The following COL5A2 variants were observed in gnomAD, a reference collection of about 807,000 sequenced individuals.
The protein encoded by COL5A2 is collagen type V alpha 2 chain.
COL5A2 carries 23 observed loss-of-function variants against 208.2 expected under a neutral mutation model. That is an observed-to-expected ratio of 0.11 (90% confidence interval 0.08 to 0.16). The LOEUF (loss-of-function observed/expected upper bound fraction) is 0.16. COL5A2 is among the 10% of genes least tolerant of loss of function. COL5A2 has a pLI of 1.00. For synonymous variants in COL5A2, 625 were observed against 628.5 expected (o/e 0.99, Z 0.08); for missense variants, 1,590 against 1,956.4 (o/e 0.81, Z 3.53).
the COL5A2 span, among the ~76,000 whole-genome samples, chr2:189,239,670 A>C: frequency 2.7e-5 from 4 of 150,936 alleles, no homozygotes; most frequent in Non-Finnish European, 4.4e-5. Context: ...CCTAATGCTA[A>C]ATGACGAGTT....
chr2:189,358,885 G>A, the COL5A2 span, among the ~76,000 whole-genome samples: 1 of 151,278 alleles, frequency 6.6e-6, no homozygotes, highest in Non-Finnish European at 1.5e-5. Context: ...TGCTATTGAT[G>A]TGTAGAAGCA....
At chr2:189,067,982 C>G in intron 21 of COL5A2, 33 bp downstream of exon 21, 1 of 1,546,274 alleles carries the variant, frequency 6.5e-7, no homozygotes, top group Non-Finnish European at 8.9e-7. Context: ...TTAGATTACA[C>G]TAAAGGATGA....
the COL5A2 span, among the ~76,000 whole-genome samples, chr2:189,418,320 G>C: frequency 6.6e-6 from 1 of 152,138 alleles, no homozygotes; most frequent in Admixed American, 6.5e-5. Context: ...ATCTTGAATG[G>C]TGGCACCAGT....
chr2:189,394,724 T>C, the COL5A2 span, among the ~76,000 whole-genome samples: 1 of 152,172 alleles, frequency 6.6e-6, no homozygotes, highest in South Asian at 2.1e-4. Context: ...TCTGTCTCCA[T>C]GACAGGCTCA....
chr2:189,136,377 A>T (rs1018165520), intron 1 of COL5A2, among the ~76,000 whole-genome samples: 5 of 150,316 alleles, frequency 3.3e-5, no homozygotes, highest in Non-Finnish European at 7.4e-5. Context: ...GTATATACTT[A>T]TATATATGTA....
Position 189,061,488 on chromosome 2 carries a change from C to T in COL5A2, c.2031+74G>A, listed in dbSNP as rs150566265. 4.2e-4 allele frequency: 459 copies of T among 1,090,868 alleles called. 3 individuals carry two copies. The African/African-American group carries it at 6.8e-3, about 16-fold the overall frequency. The allele number at this position is 1,090,868 out of a possible 1,614,324, so 67.6% of individuals were successfully genotyped here. ...ATTGTAGAATTTCAAATCTTCTGACCATATCTTTTTTTTTAAAAAAAAAAA... is the reference window on the plus strand; with the variant it reads ...ATTGTAGAATTTCAAATCTTCTGACTATATCTTTTTTTTTAAAAAAAAAAA... On this transcript the variant is annotated intron_variant, in intron 30 of 53. Coordinates refer to ENST00000374866, the MANE Select transcript of COL5A2 (RefSeq NM_000393.5).
At chr2:189,153,604 A>T (rs2105790695) in intron 1 of COL5A2, among the ~76,000 whole-genome samples, 1 of 152,182 alleles carries the variant, frequency 6.6e-6, no homozygotes, top group Admixed American at 6.5e-5. Flanking sequence ...CACAGGGGTG[A>T]TAAGCTTGGG....
At chr2:189,138,858 A>G (rs1687876498) in intron 1 of COL5A2, among the ~76,000 whole-genome samples, 1 of 152,228 alleles carries the variant, frequency 6.6e-6, no homozygotes, top group African/African-American at 2.4e-5. Context: ...CAAAAATGTA[A>G]AATAAATATC....
chr2:189,156,686 T>C (rs930558405), intron 1 of COL5A2, among the ~76,000 whole-genome samples: 3 of 152,144 alleles, frequency 2.0e-5, no homozygotes, highest in Non-Finnish European at 2.9e-5. Flanking sequence ...GCCAAAAATA[T>C]GTATTGACAT....
intron 2 of COL5A2, among the ~76,000 whole-genome samples, chr2:189,104,628 C>A (rs1481812804): frequency 6.6e-6 from 1 of 151,748 alleles, no homozygotes; most frequent in Non-Finnish European, 1.5e-5. Flanking sequence ...GCTGTTTATT[C>A]ATATGGTTCA....
chr2:189,320,794 C>T, the COL5A2 span, among the ~76,000 whole-genome samples: 1 of 152,142 alleles, frequency 6.6e-6, no homozygotes, highest in Non-Finnish European at 1.5e-5. Context: ...GGCCAACATT[C>T]AAATTCAAGA....
intron 24 of COL5A2, 98 bp from the exon 25 acceptor site, chr2:189,064,753 TAACATACA>T (rs1184699887): frequency 7.4e-6 from 7 of 947,734 alleles, no homozygotes; most frequent in Non-Finnish European, 1.0e-5. Flanking sequence ...GGCACTAATA[TAACATACA>T]AATCAAGGCA....
chr2:189,264,239 T>C, the COL5A2 span, among the ~76,000 whole-genome samples: 5 of 152,172 alleles, frequency 3.3e-5, no homozygotes, highest in Admixed American at 6.5e-5. Context: ...TAAAATTTTA[T>C]TGAAATTCAT....
chr2:189,165,610 A>T (rs1021734069), intron 1 of COL5A2, among the ~76,000 whole-genome samples: 14 of 152,340 alleles, frequency 9.2e-5, no homozygotes, highest in African/African-American at 3.1e-4. Context: ...TAACTCCTCA[A>T]TATGCAGACG....
At chr2:189,320,154 A>C in the COL5A2 span, among the ~76,000 whole-genome samples, 1 of 152,156 alleles carries the variant, frequency 6.6e-6, no homozygotes, top group African/African-American at 2.4e-5. Flanking sequence ...CCACACCAAA[A>C]ACCCATCTGT....
rs1014344979 is a variant in COL5A2, at chr2:189,092,161, G to A, written c.567+149C>T. On this transcript the variant is annotated intron_variant, in intron 7 of 53. Transcript: ENST00000374866. ...CCAACAATTCCCTGTGGGTTTATTA[G>A]TTCTACTGTCCATAGCAGTGTTGAC... is the stretch of plus-strand genomic sequence containing the variant. 9 of 674,274 alleles carry A rather than the reference G, an allele frequency of 1.3e-5. No homozygotes were observed. The African/African-American group carries it at 1.6e-4, about 12-fold the overall frequency. The allele number at this position is 674,274 out of a possible 1,614,324, so 41.8% of individuals were successfully genotyped here. A position where few individuals can be genotyped will look rare whatever the true frequency, so the allele number is the denominator to read the frequency against.
the COL5A2 span, among the ~76,000 whole-genome samples, chr2:189,352,712 A>G: frequency 6.6e-6 from 1 of 152,080 alleles, no homozygotes; most frequent in Admixed American, 6.6e-5. Context: ...GGATAGATTG[A>G]GAAAATTTTC....
At chr2:189,188,711 T>A (rs532762365) in intron 1 of COL5A2, among the ~76,000 whole-genome samples, 1 of 152,306 alleles carries the variant, frequency 6.6e-6, no homozygotes, top group Admixed American at 6.5e-5. Context: ...GTCCTGCTTT[T>A]AAAAAGTTAA....
intron 1 of COL5A2, among the ~76,000 whole-genome samples, chr2:189,219,893 A>G (rs1689326172): frequency 1.3e-5 from 2 of 151,778 alleles, no homozygotes; most frequent in South Asian, 2.1e-4. Context: ...CACTCTTAGA[A>G]GTGTTCTTCG....
Sources: allele counts gnomAD v4.1 joint callset (sites outside exome capture counted in the v4.1 genomes callset), GRCh38; gene constraint gnomAD v4.1.1; transcripts MANE v1.5; gene names NCBI Gene and HGNC (gene_info 2026-07-23, HGNC 2026-07-21).